MAP2K4: variants seen among roughly 807,000 people sequenced by gnomAD.
MAP2K4 encodes mitogen-activated protein kinase kinase 4, also known as dual specificity mitogen-activated protein kinase kinase 4.
A neutral mutation model predicts 48.5 loss-of-function variants in MAP2K4; 4 were observed. The observed-to-expected ratio is 0.08, with a 90% CI of 0.04 to 0.19. The LOEUF (loss-of-function observed/expected upper bound fraction) is 0.19, where lower values mean the gene tolerates loss of function less well. MAP2K4 is among the 10% of genes least tolerant of loss of function. MAP2K4 has a pLI of 1.00. For missense variants in MAP2K4, 258 were observed against 493.3 expected, an observed-to-expected ratio of 0.52 and a Z score of 4.52; for synonymous variants, 166 against 173.1, an observed-to-expected ratio of 0.96 and a Z score of 0.32.
chr17:12,099,018 A>G (rs1971847644), intron 4 of MAP2K4, among the ~76,000 whole-genome samples: 1 of 152,142 alleles, frequency 6.6e-6, no homozygotes, highest in Non-Finnish European at 1.5e-5. Flanking sequence ...AATTGTACCC[A>G]TCAAGTAATT....
intron 2 of MAP2K4, among the ~76,000 whole-genome samples, chr17:12,073,052 A>G (rs1970872036): frequency 6.6e-6 from 1 of 152,350 alleles, no homozygotes; most frequent in African/African-American, 2.4e-5. Context: ...CTGCTAAAAT[A>G]TTTATTAAGA....
intron 1 of MAP2K4, among the ~76,000 whole-genome samples, chr17:12,025,086 G>C (rs1288506743): frequency 6.6e-6 from 1 of 152,204 alleles, no homozygotes; most frequent in Non-Finnish European, 1.5e-5. Context: ...AGTAGTAGCT[G>C]TAGCAGCTAG....
chr17:12,087,769 G>T lies in MAP2K4; in HGVS notation c.393+6239G>T, dbSNP rs968828736. Among the ~76,000 whole-genome samples the T allele has an allele frequency of 7.2e-5, 11 of 152,004 alleles. No homozygotes were observed. The East Asian group carries it at 2.1e-3, about 29-fold the overall frequency. ...TATGCTTTCACAATTTAAAATAATT[G>T]ACTTAACAGACACTTATTTTTTCAC... On this transcript the variant is annotated intron_variant, in intron 3 of 10. Transcript: ENST00000353533.
At chr17:12,040,649 A>G (rs991045686) in intron 1 of MAP2K4, among the ~76,000 whole-genome samples, 1 of 152,216 alleles carries the variant, frequency 6.6e-6, no homozygotes, top group African/African-American at 2.4e-5. Flanking sequence ...AGTGCTTAGA[A>G]TGCTCAGATC....
chr17:12,028,528 A>T (rs962519588), intron 1 of MAP2K4, among the ~76,000 whole-genome samples: 1 of 152,208 alleles, frequency 6.6e-6, no homozygotes, highest in Non-Finnish European at 1.5e-5. Flanking sequence ...ATGATATACT[A>T]TGGGTAGCTG....
chr17:12,022,713 C>CTTAA (rs1969127145), intron 1 of MAP2K4, among the ~76,000 whole-genome samples: 1 of 152,050 alleles, frequency 6.6e-6, no homozygotes, highest in African/African-American at 2.4e-5. Flanking sequence ...GGAGGTTATC[C>CTTAA]CCCTGTGAAG....
intron 9 of MAP2K4, among the ~76,000 whole-genome samples, chr17:12,131,087 T>C (rs1180882429): frequency 6.6e-6 from 1 of 152,142 alleles, no homozygotes; most frequent in East Asian, 1.9e-4. Flanking sequence ...CTATCATATT[T>C]AAATTTCATG....
intron 2 of MAP2K4, among the ~76,000 whole-genome samples, chr17:12,058,227 C>CTTTTT (rs144800120): frequency 1.5e-5 from 2 of 130,080 alleles, no homozygotes; most frequent in Non-Finnish European, 3.3e-5. Flanking sequence ...CTAGACCTTT[C>CTTTTT]TTTTTTTTTT....
chr17:12,102,262 T>G (rs146853134), intron 4 of MAP2K4, among the ~76,000 whole-genome samples: 6 of 152,222 alleles, frequency 3.9e-5, no homozygotes, highest in Non-Finnish European at 8.8e-5. Flanking sequence ...ATCCTTGAGA[T>G]GTTTTTGAGA....
chr17:12,091,379 G>A (rs1179234114), intron 3 of MAP2K4, among the ~76,000 whole-genome samples: 2 of 152,130 alleles, frequency 1.3e-5, no homozygotes, highest in Admixed American at 6.5e-5. Flanking sequence ...GTTTTGTGAC[G>A]AGATGGAGTA....
chr17:12,083,379 G>A (rs1449661312), intron 3 of MAP2K4, among the ~76,000 whole-genome samples: 3 of 152,202 alleles, frequency 2.0e-5, no homozygotes, highest in Admixed American at 6.5e-5. Flanking sequence ...ACTGGCTACT[G>A]TGACAGTTCC....
Position 12,113,306 on chromosome 17 carries a change from G to C in MAP2K4, c.759G>C (p.Gln253His). 2 of 1,613,824 alleles carry C rather than the reference G, an allele frequency of 1.2e-6. No homozygotes were observed. Among genetic ancestry groups the C allele is most frequent in the Non-Finnish European group, 1.7e-6 (2 of 1,179,790 alleles). ...TCTGTGACTTCGGCATCAGTGGACA[G>C]CTTGTGGACTCTATTGCCAAGACAA... Reference protein sequence around the residue: ...IKLCDFGISGQLVDSIAKTRD... With the variant: ...IKLCDFGISGHLVDSIAKTRD... Residue 253 changes from glutamine (Q) to histidine (H), a missense_variant, in exon 7 of 11, where the codon CAG becomes CAC. This residue lies in a region of MAP2K4 where 132 missense variants were observed against 352.8 expected (regional missense o/e 0.37). Transcript: ENST00000353533.
intron 1 of MAP2K4, among the ~76,000 whole-genome samples, chr17:12,053,461 G>C (rs1053590333): frequency 6.6e-6 from 1 of 150,656 alleles, no homozygotes; most frequent in African/African-American, 2.4e-5. Flanking sequence ...TATATATTTA[G>C]AGCTACTGAT....
At chr17:12,069,758 CAG>C in intron 2 of MAP2K4, 6 of 1,105,696 alleles carry the variant, frequency 5.4e-6, no homozygotes, top group Non-Finnish European at 5.7e-6. Flanking sequence ...CCGGAATTAA[CAG>C]AGCTGCATTG....
At chr17:12,045,592 TA>T (rs1238744218) in intron 1 of MAP2K4, among the ~76,000 whole-genome samples, 6 of 152,214 alleles carry the variant, frequency 3.9e-5, no homozygotes, top group African/African-American at 1.4e-4. Flanking sequence ...ACTAAAAAAA[TA>T]AGCATCAGTT....
At chr17:12,064,726 A>G (rs1049130979) in intron 2 of MAP2K4, among the ~76,000 whole-genome samples, 1 of 152,226 alleles carries the variant, frequency 6.6e-6, no homozygotes, top group Non-Finnish European at 1.5e-5. Flanking sequence ...TATTTGCCTA[A>G]GATGAAAATA....
At position 12,020,933 on chromosome 17, in the gene MAP2K4, G is replaced by T; in HGVS notation, c.47G>T (p.Ser16Ile). The change falls in exon 1 of 11, where the codon AGC becomes ATC. Residue 16 changes from serine (S) to isoleucine (I), a missense_variant. By Grantham distance (142) the Ser-to-Ile change is moderately radical. This residue lies in a region of MAP2K4 where 69 missense variants were observed against 56.2 expected (regional missense o/e 1.23). Coordinates refer to ENST00000353533, the MANE Select transcript of MAP2K4 (RefSeq NM_003010.4). Reference protein sequence around the residue: ...PSGGGGSGGGSGSGTPGPVGS... With the variant: ...PSGGGGSGGGIGSGTPGPVGS... Reference sequence around the variant, plus strand: ...GGCGGCGGCGGCTCCGGGGGCGGCAGCGGCAGCGGCACCCCCGGCCCCGTA... The same window carrying T: ...GGCGGCGGCGGCTCCGGGGGCGGCATCGGCAGCGGCACCCCCGGCCCCGTA... 1.6e-6 allele frequency: 2 copies of T among 1,216,710 alleles called. No homozygotes were observed. Among genetic ancestry groups the T allele is most frequent in the Non-Finnish European group, 2.0e-6 (2 of 978,456 alleles). 75.4% of individuals were successfully genotyped at this position (1,216,710 alleles called of 1,614,324 possible).
At chr17:12,042,670 C>T (rs1277160051) in intron 1 of MAP2K4, among the ~76,000 whole-genome samples, 1 of 150,422 alleles carries the variant, frequency 6.6e-6, no homozygotes, top group Non-Finnish European at 1.5e-5. Flanking sequence ...AACTGTGATT[C>T]ACTATGGAGT....
intron 9 of MAP2K4, among the ~76,000 whole-genome samples, chr17:12,135,345 A>G (rs1266397970): frequency 1.3e-5 from 2 of 151,954 alleles, no homozygotes; most frequent in Non-Finnish European, 2.9e-5. Flanking sequence ...CGGCCTCCCA[A>G]AGTGTTGGGA....
Sources: allele counts gnomAD v4.1 joint callset (sites outside exome capture counted in the v4.1 genomes callset), GRCh38; gene constraint gnomAD v4.1.1; regional missense constraint gnomAD v4.1.1; transcripts MANE v1.5; gene names NCBI Gene and HGNC (gene_info 2026-07-23, HGNC 2026-07-21).